NOBOX: variants seen among roughly 807,000 people sequenced by gnomAD.
The protein encoded by NOBOX is NOBOX oogenesis homeobox, also known as homeobox protein NOBOX.
Under a neutral mutation model 60.2 loss-of-function variants are expected in NOBOX, and 46 were observed. That is an observed-to-expected ratio of 0.76 (90% CI 0.60 to 0.98). NOBOX has a LOEUF of 0.98. Among genes scored for constraint, NOBOX ranks in the 50% least tolerant of loss-of-function variants. The pLI, the probability that NOBOX is intolerant of heterozygous loss-of-function variation, is 0.00. For synonymous variants in NOBOX, 360 were observed against 346.3 expected (o/e 1.04, Z -0.44); for missense variants, 880 against 865.5 (o/e 1.02, Z -0.21).
At chr7:144,400,761 C>A (rs1184125653) in intron 4 of NOBOX, among the ~76,000 whole-genome samples, 2 of 152,194 alleles carry the variant, frequency 1.3e-5, no homozygotes, top group Non-Finnish European at 2.9e-5. Context: ...TGGTCTCAAA[C>A]TCCTGACTTC....
chr7:144,407,148 TAA>T (rs5888132), intron 1 of NOBOX, among the ~76,000 whole-genome samples: 8 of 150,596 alleles, frequency 5.3e-5, no homozygotes, highest in Admixed American at 4.0e-4. Context: ...TGTCTGATAC[TAA>T]AAAAAAAAGT....
intron 4 of NOBOX, 99 bp downstream of exon 2, chr7:144,400,947 C>A: frequency 5.9e-6 from 6 of 1,018,012 alleles, no homozygotes; most frequent in Non-Finnish European, 8.2e-6. Context: ...ACAAACTAAC[C>A]CCATCCCTCA....
At position 144,406,960 on chromosome 7, in the gene NOBOX, C is replaced by G. The variant is rs185791658; in HGVS notation, c.86-2280G>C. Among the ~76,000 whole-genome samples the G allele has an allele frequency of 2.5e-3, 387 of 151,848 alleles. 3 individuals are homozygous for G. The highest frequency in any genetic ancestry group is 9.1e-3 in the African/African-American group (375 of 41,406). On this transcript the variant is annotated intron_variant, in intron 1 of 9. Transcript: ENST00000467773. ...CAGCTGACTAGTTCATAGCCTAACTCAACTTTGTTTAGAGGACAGGGAGGT... is the reference window on the plus strand; with the variant it reads ...CAGCTGACTAGTTCATAGCCTAACTGAACTTTGTTTAGAGGACAGGGAGGT...
chr7:144,397,459 T>A lies in NOBOX; in HGVS notation c.1857A>T (p.Pro619=), dbSNP rs1392582908. 4.6e-6 allele frequency: 7 copies of A among 1,536,848 alleles called. No individual in the cohort carries two copies. The highest frequency in any genetic ancestry group is 5.2e-6 in the Non-Finnish European group (6 of 1,146,598). The change falls in exon 10 of 10, where the codon CCA becomes CCT. Residue 619 remains proline (P), a synonymous_variant. Transcript: ENST00000467773. Reference sequence around the variant, plus strand: ...GATCAGGAAAGTAGCCATCCCCTCCTGGGGGATGCCCCAGAGCTTGTGGGC... The same window carrying A: ...GATCAGGAAAGTAGCCATCCCCTCCAGGGGGATGCCCCAGAGCTTGTGGGC...
intron 2 of NOBOX, among the ~76,000 whole-genome samples, chr7:144,402,150 C>T (rs913831856): frequency 1.5e-4 from 23 of 152,160 alleles, no homozygotes; most frequent in Non-Finnish European, 2.9e-4. Context: ...TCTGCCAACT[C>T]TCCTCAGCTC....
intron 6 of NOBOX, 97 bp downstream of exon 4, chr7:144,399,660 C>T: frequency 8.2e-7 from 1 of 1,213,242 alleles, no homozygotes; most frequent in Non-Finnish European, 1.2e-6. Flanking sequence ...AGGACTCATG[C>T]CTAGCCTTCC....
chr7:144,401,976 A>C lies in NOBOX; in HGVS notation c.211-26T>G, dbSNP rs951151241. The C allele has an allele frequency of 2.6e-6, 4 of 1,540,972 alleles. No individual in the cohort carries two copies. Among genetic ancestry groups the C allele is most frequent in the Middle Eastern group, 1.7e-4 (1 of 5,946 alleles). On this transcript the variant is annotated intron_variant, in intron 2 of 9. Coordinates refer to ENST00000467773, the MANE Select transcript of NOBOX (RefSeq NM_001080413.3). This position sits in a 1 kb window ranked among gnomAD's most constrained non-coding sequence, Gnocchi z 4.2. ...CTGCGGATGGACCAGGAAGACAAAG[A>C]GAAACAGATTGACAGAGATTCTGCT...
downstream of NOBOX, chr7:144,397,229 T>A: frequency 6.6e-7 from 1 of 1,521,210 alleles, no homozygotes. Flanking sequence ...TTTCACTCTT[T>A]GACCCCCCAA....
chr7:144,398,297 G>A lies in NOBOX; in HGVS notation c.1759C>T (p.Pro587Ser), dbSNP rs1332207318. The A allele has an allele frequency of 2.9e-5, 44 of 1,537,154 alleles. No individual in the cohort carries two copies. In the East Asian group the frequency reaches 6.4e-4, roughly 22 times the overall value. Reference sequence around the variant, plus strand: ...CTCAACTCACCTATATTCCCAGCAGGTGGTTGCATCAGGATCTGTCCTGAG... The same window carrying A: ...CTCAACTCACCTATATTCCCAGCAGATGGTTGCATCAGGATCTGTCCTGAG... The change falls in exon 9 of 10, where the codon CCT becomes TCT. Residue 587 changes from proline (P) to serine (S), a missense_variant. Physicochemically the swap from Pro to Ser is moderately conservative, Grantham distance 74. Coordinates refer to ENST00000467773, the MANE Select transcript of NOBOX (RefSeq NM_001080413.3).
rs886062038 is a variant in NOBOX at position 144,398,305 on chromosome 7, A to C, written c.1751T>G (p.Met584Arg). The change falls in exon 9 of 10, where the codon ATG (methionine) becomes AGG (arginine). Residue 584 changes from methionine to arginine, a missense_variant. By Grantham distance (91) the Met-to-Arg change is moderately conservative. Transcript: ENST00000467773. ...ACCTATATTCCCAGCAGGTGGTTGC[A>C]TCAGGATCTGTCCTGAGGAGGCACC... is the stretch of plus-strand genomic sequence containing the variant. The C allele has an allele frequency of 6.5e-6, 10 of 1,537,110 alleles. No individual in the cohort carries two copies. The highest frequency in any genetic ancestry group is 8.7e-6 in the Non-Finnish European group (10 of 1,146,918).
rs940417547 is a variant in NOBOX, at chr7:144,398,478, C to A, written c.1578G>T (p.Pro526=). 1.3e-6 allele frequency: 2 copies of A among 1,537,008 alleles called. No homozygotes were observed. The highest frequency in any genetic ancestry group is 4.9e-5 in the East Asian group (2 of 40,892). The change falls in exon 9 of 10, where the codon CCG becomes CCT. Residue 526 remains proline, a synonymous_variant. Coordinates refer to ENST00000467773, the MANE Select transcript of NOBOX (RefSeq NM_001080413.3). ...ACTTGGGCTGAGGGGACTGGAAAAG[C>A]GGGGGCTGTGGAGCCTGGGAGAACT...
At chr7:144,399,688 C>A in intron 6 of NOBOX, 69 bp downstream of exon 4, 1 of 1,335,392 alleles carries the variant, frequency 7.5e-7, no homozygotes, top group Non-Finnish European at 1.1e-6. Flanking sequence ...TCCTTCTAGA[C>A]CCTCAGGATC....
intron 6 of NOBOX, 53 bp downstream of exon 4, chr7:144,399,704 T>A: frequency 6.9e-7 from 1 of 1,450,494 alleles, no homozygotes; most frequent in Non-Finnish European, 9.5e-7. Flanking sequence ...GGATCCCAGC[T>A]TGGACCCCAC....
At chr7:144,406,753 A>G (rs1198740112) in intron 1 of NOBOX, among the ~76,000 whole-genome samples, 32 of 152,218 alleles carry the variant, frequency 2.1e-4, no homozygotes, top group Non-Finnish European at 1.0e-4. Flanking sequence ...TTTTTGATAT[A>G]TCTTGTTAAG....
At position 144,410,058 on chromosome 7, in the gene NOBOX, CCT is replaced by C. The variant is rs2054011108; in HGVS notation, c.85+83_85+84del. 8 of 836,084 alleles carry C rather than the reference CCT, an allele frequency of 9.6e-6. No individual in the cohort carries two copies. The South Asian group carries it at 1.4e-4, about 15-fold the overall frequency. 51.8% of individuals were successfully genotyped at this position (836,084 alleles called of 1,614,324 possible). On this transcript the variant is annotated intron_variant, in intron 1 of 9. Transcript: ENST00000467773. The stretch of plus-strand genomic sequence containing the variant: ...CAAGAGGGGATGCTCTACCAAGAGT[CCT>C]CAGTGTATGGGAAGACAACTCTGTC...
intron 8 of NOBOX, among the ~76,000 whole-genome samples, 155 bp from the exon 7 acceptor site, chr7:144,398,741 G>A (rs1446767650): frequency 3.3e-5 from 5 of 151,760 alleles, no homozygotes; most frequent in African/African-American, 4.8e-5. Flanking sequence ...CCCCACTCCC[G>A]CTCCTAGCAT....
At chr7:144,397,228 T>C (rs777771566), downstream of NOBOX, 14 of 1,520,804 alleles carry the variant, frequency 9.2e-6, no homozygotes, top group African/African-American at 1.4e-4. Flanking sequence ...TTTTCACTCT[T>C]TGACCCCCCA....
chr7:144,398,291 C>T lies in NOBOX; in HGVS notation c.1765G>A (p.Gly589Arg), dbSNP rs868786471. 1.3e-6 allele frequency: 2 copies of T among 1,537,126 alleles called. No individual in the cohort carries two copies. Among genetic ancestry groups the T allele is most frequent in the African/African-American group, 2.7e-5 (2 of 73,044 alleles). Residue 589 changes from glycine to arginine, a missense_variant, in exon 9 of 10, where the codon GGG becomes AGG. By Grantham distance (125) the Gly-to-Arg change is moderately radical. Transcript: ENST00000467773. ...CCCAGCCTCAACTCACCTATATTCC[C>T]AGCAGGTGGTTGCATCAGGATCTGT...
intron 2 of NOBOX, 137 bp downstream of exon 1, chr7:144,403,520 C>T (rs1315741197): frequency 8.0e-6 from 2 of 248,742 alleles, no homozygotes; most frequent in Non-Finnish European, 8.1e-6. Flanking sequence ...TCCCACCCTA[C>T]CCCACCCGAC....
Sources: gnomAD v4.1 joint callset for allele counts (sites outside exome capture counted in the v4.1 genomes callset) on GRCh38, gnomAD v4.1.1 for gene constraint, Gnocchi (gnomAD v3.1) non-coding constraint, MANE v1.5 for transcripts, NCBI Gene and HGNC (gene_info 2026-07-23, HGNC 2026-07-21) for gene names.